The following GPA33 variants were observed in gnomAD, a reference collection of about 807,000 sequenced individuals.
The protein encoded by GPA33 is cell surface A33 antigen.
A neutral mutation model predicts 35.6 loss-of-function variants in GPA33; 27 were observed. The ratio of observed to expected loss-of-function variants is 0.76; its 90% confidence interval spans 0.56 to 1.04. The LOEUF (loss-of-function observed/expected upper bound fraction) is 1.04, where lower values mean the gene tolerates loss of function less well. Ranked by LOEUF, GPA33 falls within the 50% of genes least tolerant of loss-of-function variation. The pLI is 0.00. For missense variants in GPA33, 428 were observed against 411.9 expected (o/e 1.04, Z -0.34); for synonymous variants, 176 against 164.0 (o/e 1.07, Z -0.56).
At position 167,067,954 on chromosome 1, in the gene GPA33, G is replaced by T. The variant is rs377069863; in HGVS notation, c.415+968C>A. ...CATTGGCTACCTCTCTAGGGGGTAG[G>T]GTGGAAGGAGACCTTAGTTATTCTT... On this transcript the variant is annotated intron_variant, in intron 3 of 6. Transcript: ENST00000367868. 2.0e-5 allele frequency among the ~76,000 whole-genome samples: 3 copies of T among 152,060 alleles called. No homozygotes were observed. In the East Asian group the frequency reaches 5.8e-4, roughly 29 times the overall value.
intron 4 of GPA33, among the ~76,000 whole-genome samples, chr1:167,056,983 GGT>G (rs1251317452): frequency 3.0e-5 from 4 of 133,614 alleles, no homozygotes; most frequent in Non-Finnish European, 6.6e-5. Context: ...TGTGATGTGT[GGT>G]GTGTGGTGGG....
chr1:167,056,715 TGTGTAGTGTGTG>T, intron 4 of GPA33, among the ~76,000 whole-genome samples: 1 of 5,550 alleles, frequency 1.8e-4, no homozygotes, highest in African/African-American at 6.8e-4. Flanking sequence ...GTGTAGTGTG[TGTGTAGTGTGTG>T]ATGTATGTGG....
At position 167,054,094 on chromosome 1, in the gene GPA33, C is replaced by T. The variant is rs375327487; in HGVS notation, c.*240G>A. 11 of 547,258 alleles carry T rather than the reference C, an allele frequency of 2.0e-5. No individual in the cohort carries two copies. The highest frequency in any genetic ancestry group is 6.4e-5 in the Admixed American group (2 of 31,310). 33.9% of individuals were successfully genotyped at this position (547,258 alleles called of 1,614,324 possible). On this transcript the variant is annotated 3_prime_UTR_variant, in exon 7 of 7. Transcript: ENST00000367868. ...CCTGGTCTTGAGTGAGGGCCAGGCC[C>T]GCACCAGGTGTCACAGCCAGGAGGG... is the stretch of plus-strand genomic sequence containing the variant.
At chr1:167,056,646 GTAGTGTGT>G (rs1446858620) in intron 4 of GPA33, among the ~76,000 whole-genome samples, 1 of 148,850 alleles carries the variant, frequency 6.7e-6, no homozygotes, top group African/African-American at 2.5e-5. Flanking sequence ...TGTGGTGTGT[GTAGTGTGT>G]GTGGTACGGT....
chr1:167,087,932 A>ACACACACACACACACACAC (rs374217623), intron 1 of GPA33, among the ~76,000 whole-genome samples: 9 of 151,898 alleles, frequency 5.9e-5, no homozygotes, highest in South Asian at 2.1e-4. Context: ...ACACACACAC[A>ACACACACACACACACACAC]AAGCAGACCA....
chr1:167,088,000 C>T (rs145002135), intron 1 of GPA33, among the ~76,000 whole-genome samples: 3 of 152,004 alleles, frequency 2.0e-5, no homozygotes, highest in Non-Finnish European at 2.9e-5. Context: ...CACGGCCTTG[C>T]GTTTGTGCCC....
At chr1:167,077,438 A>G (rs558575679) in intron 1 of GPA33, among the ~76,000 whole-genome samples, 1 of 152,148 alleles carries the variant, frequency 6.6e-6, no homozygotes, top group East Asian at 1.9e-4. Flanking sequence ...TTTTCCCTGG[A>G]GCGCTGTCCT....
At chr1:167,058,732 GAGA>G (rs1477802903) in intron 4 of GPA33, among the ~76,000 whole-genome samples, 1 of 149,592 alleles carries the variant, frequency 6.7e-6, no homozygotes. Context: ...ATGCGGCATG[GAGA>G]AGGAGTCCCT....
chr1:167,061,058 T>G (rs906790970), intron 4 of GPA33, among the ~76,000 whole-genome samples: 3 of 152,196 alleles, frequency 2.0e-5, no homozygotes, highest in Non-Finnish European at 4.4e-5. Context: ...CCCTATGAAG[T>G]AAACACTAGC....
chr1:167,063,736 C>T lies in GPA33; in HGVS notation c.417G>A (p.Val139=). 6.2e-7 allele frequency: 1 copy of T among 1,612,518 alleles called. No homozygotes were observed. Among genetic ancestry groups the T allele is most frequent in the South Asian group, 1.1e-5 (1 of 90,966 alleles). The change falls in exon 4 of 7, where the codon GTG becomes GTA. Residue 139 remains valine (V), a splice_region_variant and synonymous_variant. Transcript: ENST00000367868. Reference sequence around the variant, plus strand: ...TGCCGCATTCTGGTTTGGAGGGTGGCACTATATAGAGGAGAGACCAAAGAG... The same window carrying T: ...TGCCGCATTCTGGTTTGGAGGGTGGTACTATATAGAGGAGAGACCAAAGAG... ...TKSRVRLLVL[V]PPSKPECGIE...
intron 4 of GPA33, among the ~76,000 whole-genome samples, chr1:167,056,238 T>C (rs2102164425): frequency 6.6e-6 from 1 of 152,328 alleles, no homozygotes; most frequent in Non-Finnish European, 1.5e-5. Context: ...TGATATGTAG[T>C]AAGTGCTCAG....
Position 167,090,244 on chromosome 1 carries a change from C to CCT in GPA33, c.42_43dup (p.Val15GlufsTer4). ...ACTGGAGAGAAAAGGGGCCTACTCA[C>CCT]CTGCACAGAGTGTCCACAACACAGG... is the stretch of plus-strand genomic sequence containing the variant. On this transcript the variant is annotated frameshift_variant and splice_region_variant. Coordinates refer to ENST00000367868, the MANE Select transcript of GPA33 (RefSeq NM_005814.3). LOFTEE classifies it high-confidence loss of function. 9 of 1,612,090 alleles carry CCT rather than the reference C, an allele frequency of 5.6e-6. No homozygotes were observed. The highest frequency in any genetic ancestry group is 7.6e-6 in the Non-Finnish European group (9 of 1,178,136).
rs377707068 is a variant in GPA33, at chr1:167,068,692, A to G, written c.415+230T>C. Among the ~76,000 whole-genome samples, 15 of 152,364 alleles carry G rather than the reference A, an allele frequency of 9.8e-5. No homozygotes were observed. In the East Asian group the frequency reaches 2.9e-3, roughly 29 times the overall value. On this transcript the variant is annotated intron_variant, in intron 3 of 6. Transcript: ENST00000367868. ...CACCGACAGAGCAAGGGACCACTCC[A>G]AGTCGGCCTTCTCTGTCCTCGAGAC...
intron 4 of GPA33, among the ~76,000 whole-genome samples, chr1:167,056,818 A>ATGTG (rs1666306308): frequency 6.9e-4 from 2 of 2,916 alleles, no homozygotes; most frequent in African/African-American, 1.6e-3. Context: ...TGTATGTGGC[A>ATGTG]GCGTTTGTAG....
At chr1:167,070,424 AT>A (rs1214175740) in intron 2 of GPA33, among the ~76,000 whole-genome samples, 1 of 152,192 alleles carries the variant, frequency 6.6e-6, no homozygotes, top group African/African-American at 2.4e-5. Flanking sequence ...GATTACACTC[AT>A]TTTACAAATG....
intron 2 of GPA33, among the ~76,000 whole-genome samples, chr1:167,070,503 C>G (rs146186571): frequency 4.6e-5 from 7 of 152,302 alleles, no homozygotes; most frequent in African/African-American, 1.7e-4. Flanking sequence ...TAAACGACAG[C>G]GCTGAGGTTC....
intron 4 of GPA33, among the ~76,000 whole-genome samples, chr1:167,058,089 C>T (rs896027446): frequency 2.6e-5 from 4 of 152,164 alleles, no homozygotes; most frequent in African/African-American, 9.7e-5. Flanking sequence ...GTCCCAGGTA[C>T]TTGGGAGGCT....
chr1:167,079,511 G>C (rs199792157), intron 1 of GPA33, among the ~76,000 whole-genome samples: 1 of 148,288 alleles, frequency 6.7e-6, no homozygotes, highest in Non-Finnish European at 1.5e-5. Context: ...AGAAAAAAAA[G>C]AAAACTTGCA....
At chr1:167,081,093 C>A (rs922139083) in intron 1 of GPA33, among the ~76,000 whole-genome samples, 1 of 152,042 alleles carries the variant, frequency 6.6e-6, no homozygotes. Context: ...CCTGAGGTCT[C>A]GATGATTGCT....
Sources: gnomAD v4.1 joint callset for allele counts (sites outside exome capture counted in the v4.1 genomes callset) on GRCh38, gnomAD v4.1.1 for gene constraint, MANE v1.5 for transcripts, NCBI Gene and HGNC (gene_info 2026-07-23, HGNC 2026-07-21) for gene names.